Variants in ZCCHC17 observed in about 807,000 individuals in gnomAD.
The protein encoded by ZCCHC17 is zinc finger CCHC domain-containing protein 17.
ZCCHC17 carries 18 observed loss-of-function variants against 30.6 expected under a neutral mutation model. That is an observed-to-expected ratio of 0.59 (90% confidence interval 0.41 to 0.87). The LOEUF is 0.87. Ranked by LOEUF, ZCCHC17 falls within the 40% of genes least tolerant of loss-of-function variation. The pLI, the probability that ZCCHC17 is intolerant of heterozygous loss-of-function variation, is 0.00. For synonymous variants in ZCCHC17, 88 were observed against 92.4 expected (o/e 0.95, Z 0.27); for missense variants, 263 against 284.2 (o/e 0.93, Z 0.54).
At chr1:31,308,895 C>T (rs981312077) in intron 1 of ZCCHC17, among the ~76,000 whole-genome samples, 1 of 151,934 alleles carries the variant, frequency 6.6e-6, no homozygotes, top group East Asian at 1.9e-4. Flanking sequence ...TTATTAGGTA[C>T]GTGTTAACAA....
At chr1:31,308,520 T>C (rs924527976) in intron 1 of ZCCHC17, among the ~76,000 whole-genome samples, 1 of 152,216 alleles carries the variant, frequency 6.6e-6, no homozygotes, top group Non-Finnish European at 1.5e-5. Context: ...AGTATTTACC[T>C]GTGAAAACAC....
intron 3 of ZCCHC17, among the ~76,000 whole-genome samples, chr1:31,336,747 T>C (rs1228737573): frequency 1.3e-5 from 2 of 151,728 alleles, no homozygotes; most frequent in East Asian, 3.9e-4. Flanking sequence ...TCACTGCAGT[T>C]TCAGCCTCCT....
rs149257512 is a variant in ZCCHC17, at chr1:31,319,115, A to G, written c.73A>G (p.Met25Val). ...LYTIFQGEVA[M>V]VTDYGAFIKI... ...TTTTCCCCCATCTTTATAGGTTGCT[A>G]TGGTGACAGACTATGGGGCCTTTAT... is the stretch of plus-strand genomic sequence containing the variant. Residue 25 changes from methionine (M) to valine (V), a missense_variant, in exon 3 of 8, where the codon ATG becomes GTG. Met to Val is a conservative substitution (Grantham distance 21). Coordinates refer to ENST00000344147, the MANE Select transcript of ZCCHC17 (RefSeq NM_016505.4). 1.8e-4 allele frequency: 284 copies of G among 1,609,686 alleles called. No individual in the cohort carries two copies. In the African/African-American group the frequency reaches 3.1e-3, roughly 18 times the overall value.
At chr1:31,340,947 G>A (rs1185414096) in intron 5 of ZCCHC17, among the ~76,000 whole-genome samples, 1 of 152,154 alleles carries the variant, frequency 6.6e-6, no homozygotes, top group East Asian at 1.9e-4. Flanking sequence ...GCAGTGCCAG[G>A]CATTTTATGT....
At chr1:31,319,632 G>A (rs914921243) in intron 3 of ZCCHC17, among the ~76,000 whole-genome samples, 5 of 152,076 alleles carry the variant, frequency 3.3e-5, no homozygotes, top group African/African-American at 1.2e-4. Flanking sequence ...TGAGAATCCT[G>A]TTATAAATCT....
chr1:31,329,024 C>T (rs990462651), intron 3 of ZCCHC17, among the ~76,000 whole-genome samples: 3 of 152,140 alleles, frequency 2.0e-5, no homozygotes, highest in African/African-American at 4.8e-5. Flanking sequence ...AAGTTCCAGC[C>T]CTCTGATCGC....
At chr1:31,318,630 G>A (rs1646790765) in intron 2 of ZCCHC17, among the ~76,000 whole-genome samples, 1 of 152,168 alleles carries the variant, frequency 6.6e-6, no homozygotes, top group Non-Finnish European at 1.5e-5. Flanking sequence ...GGTTTGATTT[G>A]AAGTTCAGGT....
Position 31,319,129 on chromosome 1 carries a change from TG to T in ZCCHC17, c.91del (p.Ala31ProfsTer30). ...QGEVAMVTDY[G>X]AFIKIPGCRK... ...TATAGGTTGCTATGGTGACAGACTA[TG>T]GGGCCTTTATCAAAATCCCAGGCTG... On this transcript the variant is annotated frameshift_variant, in exon 3 of 8. Transcript: ENST00000344147. LOFTEE classifies it high-confidence loss of function. The T allele has an allele frequency of 6.2e-7, 1 of 1,611,436 alleles. No homozygotes were observed. Among genetic ancestry groups the T allele is most frequent in the Non-Finnish European group, 8.5e-7 (1 of 1,178,012 alleles).
At chr1:31,309,208 C>T (rs898147242) in intron 1 of ZCCHC17, among the ~76,000 whole-genome samples, 2 of 152,166 alleles carry the variant, frequency 1.3e-5, no homozygotes, top group East Asian at 3.9e-4. Context: ...CAGTTTGACT[C>T]CCCATTTCCT....
intron 7 of ZCCHC17, among the ~76,000 whole-genome samples, chr1:31,358,598 G>T (rs2148481655): frequency 6.6e-6 from 1 of 152,176 alleles, no homozygotes; most frequent in Non-Finnish European, 1.5e-5. Context: ...TGGAAGATTT[G>T]AGTTAAGAGA....
chr1:31,360,236 CT>C (rs1639822806), intron 7 of ZCCHC17, among the ~76,000 whole-genome samples: 1 of 151,340 alleles, frequency 6.6e-6, no homozygotes. Flanking sequence ...GTGGCGCGAT[CT>C]TGGCTCACCA....
intron 5 of ZCCHC17, among the ~76,000 whole-genome samples, chr1:31,345,155 TTTG>T (rs1639196502): frequency 6.7e-6 from 1 of 150,050 alleles, no homozygotes; most frequent in Non-Finnish European, 1.5e-5. Context: ...GTTCTGTTTG[TTTG>T]TTTGTTTGTT....
At chr1:31,313,584 A>G (rs907163076) in intron 2 of ZCCHC17, among the ~76,000 whole-genome samples, 4 of 152,252 alleles carry the variant, frequency 2.6e-5, no homozygotes, top group Non-Finnish European at 5.9e-5. Context: ...GATACAAAGT[A>G]TAATACCATT....
intron 3 of ZCCHC17, among the ~76,000 whole-genome samples, chr1:31,322,673 A>G (rs544145253): frequency 1.9e-4 from 29 of 152,000 alleles, no homozygotes; most frequent in Middle Eastern, 3.5e-3. Flanking sequence ...GATAGAGCTC[A>G]GTCTCCAGCC....
intron 3 of ZCCHC17, among the ~76,000 whole-genome samples, chr1:31,322,806 C>G (rs577086702): frequency 6.6e-6 from 1 of 151,916 alleles, no homozygotes; most frequent in East Asian, 1.9e-4. Context: ...ACCGCAACCT[C>G]TGCCTTCCGG....
intron 4 of ZCCHC17, among the ~76,000 whole-genome samples, chr1:31,338,424 A>G (rs959593306): frequency 6.6e-6 from 1 of 152,172 alleles, no homozygotes; most frequent in African/African-American, 2.4e-5. Context: ...AAGAAAAGGA[A>G]CTAGTCATGG....
At chr1:31,300,851 G>A (rs1299823686) in intron 1 of ZCCHC17, among the ~76,000 whole-genome samples, 2 of 151,706 alleles carry the variant, frequency 1.3e-5, no homozygotes, top group East Asian at 1.9e-4. Context: ...CAGGAGAATC[G>A]CTTGAACCTG....
chr1:31,318,038 C>A, intron 2 of ZCCHC17: 1 of 655,976 alleles, frequency 1.5e-6, no homozygotes, highest in Non-Finnish European at 2.4e-6. Flanking sequence ...ATAATAGTAC[C>A]AACTCTGTAC....
At position 31,302,517 on chromosome 1, in the gene ZCCHC17, A is replaced by G. The variant is rs962900511; in HGVS notation, c.-56+5442A>G. On this transcript the variant is annotated intron_variant, in intron 1 of 7. Coordinates refer to ENST00000344147, the MANE Select transcript of ZCCHC17 (RefSeq NM_016505.4). ...TAGCTCTTCCATGAATGATATCCACATTGATTCCTCTAATGTTGGGACCTA... is the reference window on the plus strand; with the variant it reads ...TAGCTCTTCCATGAATGATATCCACGTTGATTCCTCTAATGTTGGGACCTA... Among the ~76,000 whole-genome samples, 11 of 152,310 alleles carry G rather than the reference A, an allele frequency of 7.2e-5. No individual in the cohort carries two copies. The South Asian group carries it at 1.7e-3, about 23-fold the overall frequency.
Sources: gnomAD v4.1 joint callset for allele counts (sites outside exome capture counted in the v4.1 genomes callset) on GRCh38, gnomAD v4.1.1 for gene constraint, MANE v1.5 for transcripts, NCBI Gene and HGNC (gene_info 2026-07-23, HGNC 2026-07-21) for gene names.